The following STX8 variants were observed in gnomAD, a reference collection of about 807,000 sequenced individuals.
STX8 encodes the protein syntaxin 8.
STX8 carries 23 observed loss-of-function variants against 37.5 expected under a neutral mutation model. The ratio of observed to expected loss-of-function variants is 0.61; its 90% CI spans 0.44 to 0.87. STX8 has a LOEUF of 0.87. STX8 is among the 40% of genes least tolerant of loss of function. The pLI is 0.00. For synonymous variants in STX8, 115 were observed against 99.1 expected, an observed-to-expected ratio of 1.16 and a Z score of -0.95; for missense variants, 313 against 284.7, an observed-to-expected ratio of 1.10 and a Z score of -0.71.
chr17:9,400,568 C>T (rs2142317949), intron 6 of STX8, among the ~76,000 whole-genome samples: 1 of 152,150 alleles, frequency 6.6e-6, no homozygotes, highest in African/African-American at 2.4e-5. Context: ...CCACGCCTGG[C>T]TAATTTTTGT....
At chr17:9,287,858 G>A (rs554852934) in intron 7 of STX8, among the ~76,000 whole-genome samples, 1 of 151,698 alleles carries the variant, frequency 6.6e-6, no homozygotes, top group South Asian at 2.1e-4. Context: ...TCAAGTGACT[G>A]TCCTGCCTCA....
chr17:9,393,876 G>A (rs898629511), intron 6 of STX8, among the ~76,000 whole-genome samples: 1 of 152,180 alleles, frequency 6.6e-6, no homozygotes, highest in African/African-American at 2.4e-5. Flanking sequence ...GAAGTTTCTG[G>A]AGCAATGGAA....
rs144982632 is a variant in STX8, at chr17:9,338,526, T to G, written c.643+40026A>C. ...TTCCAGTCATGGTGGCTGGAACTGA[T>G]CTGTTTCTCAACCCTCAACTCCTGC... On this transcript the variant is annotated intron_variant, in intron 7 of 7. Coordinates refer to ENST00000306357, the MANE Select transcript of STX8 (RefSeq NM_004853.3). Among the ~76,000 whole-genome samples the G allele has an allele frequency of 1.8e-3, 278 of 152,248 alleles. 2 individuals are homozygous for G. The highest frequency in any genetic ancestry group is 6.6e-3 in the African/African-American group (273 of 41,558).
intron 7 of STX8, among the ~76,000 whole-genome samples, chr17:9,319,815 G>T (rs2142202761): frequency 6.6e-6 from 1 of 151,466 alleles, no homozygotes; most frequent in East Asian, 2.0e-4. Context: ...GCCAGGCCTG[G>T]TGTCACACAC....
intron 6 of STX8, among the ~76,000 whole-genome samples, chr17:9,463,495 T>C (rs1369534063): frequency 6.6e-6 from 1 of 152,176 alleles, no homozygotes; most frequent in Non-Finnish European, 1.5e-5. Flanking sequence ...ATTTACAGGC[T>C]GGGTGCGGTG....
At chr17:9,432,455 G>T (rs1279320117) in intron 6 of STX8, among the ~76,000 whole-genome samples, 1 of 151,648 alleles carries the variant, frequency 6.6e-6, no homozygotes, top group East Asian at 1.9e-4. Context: ...AACATCTCCC[G>T]ATTTCCACTC....
intron 7 of STX8, among the ~76,000 whole-genome samples, chr17:9,318,800 G>C (rs940381723): frequency 2.0e-5 from 3 of 152,136 alleles, no homozygotes; most frequent in Non-Finnish European, 2.9e-5. Context: ...GTTTTAGAAG[G>C]TTTAGAATAT....
At chr17:9,352,146 T>C (rs1318815233) in intron 7 of STX8, among the ~76,000 whole-genome samples, 1 of 146,870 alleles carries the variant, frequency 6.8e-6, no homozygotes, top group Non-Finnish European at 1.5e-5. Flanking sequence ...AGCAAGATCC[T>C]GCCTAAAAAA....
chr17:9,375,271 C>G (rs1260853135), intron 7 of STX8, among the ~76,000 whole-genome samples: 2 of 151,934 alleles, frequency 1.3e-5, no homozygotes, highest in South Asian at 2.1e-4. Context: ...TATTTTAGTA[C>G]TTCTGGGATT....
Position 9,541,838 on chromosome 17 carries a change from C to T in STX8, c.323+3334G>A, listed in dbSNP as rs139710688. Among the ~76,000 whole-genome samples, 431 of 152,230 alleles carry T rather than the reference C, an allele frequency of 2.8e-3. 3 individuals carry two copies. Among genetic ancestry groups the T allele is most frequent in the African/African-American group, 9.7e-3 (404 of 41,542 alleles). The stretch of plus-strand genomic sequence containing the variant: ...TGCCTACCATATAAAAAACAAATAG[C>T]AGACATAAGCTATAGGTCTCATGAC... On this transcript the variant is annotated intron_variant, in intron 4 of 7. Coordinates refer to ENST00000306357, the MANE Select transcript of STX8 (RefSeq NM_004853.3).
intron 4 of STX8, among the ~76,000 whole-genome samples, chr17:9,511,499 A>T (rs1438695084): frequency 1.1e-4 from 16 of 152,258 alleles, no homozygotes; most frequent in Middle Eastern, 6.8e-3. Context: ...AAAGGACAAA[A>T]CCCACATGAT....
chr17:9,361,971 G>A (rs1158132769), intron 7 of STX8, among the ~76,000 whole-genome samples: 1 of 152,194 alleles, frequency 6.6e-6, no homozygotes, highest in African/African-American at 2.4e-5. Flanking sequence ...CATCAAATCT[G>A]TACCCAAAAC....
chr17:9,283,513 C>T (rs1907965140), intron 7 of STX8, among the ~76,000 whole-genome samples: 1 of 152,192 alleles, frequency 6.6e-6, no homozygotes, highest in Non-Finnish European at 1.5e-5. Flanking sequence ...GCACTCCAGC[C>T]TGGGTGACAG....
intron 4 of STX8, among the ~76,000 whole-genome samples, chr17:9,511,437 G>T (rs1905015611): frequency 6.6e-6 from 1 of 151,978 alleles, no homozygotes. Flanking sequence ...AATGAATGCA[G>T]GAATGGTTCA....
chr17:9,372,678 A>C (rs1227701561), intron 7 of STX8, among the ~76,000 whole-genome samples: 1 of 149,912 alleles, frequency 6.7e-6, no homozygotes, highest in African/African-American at 2.5e-5. Context: ...GGGTTTCAAC[A>C]TGTTGGCCAG....
At chr17:9,290,737 T>C (rs967074080) in intron 7 of STX8, among the ~76,000 whole-genome samples, 6 of 152,178 alleles carry the variant, frequency 3.9e-5, no homozygotes, top group Non-Finnish European at 4.4e-5. Flanking sequence ...TTATTTCCAA[T>C]ATATCCGATA....
At chr17:9,500,729 G>A (rs188345692) in intron 5 of STX8, among the ~76,000 whole-genome samples, 3 of 152,326 alleles carry the variant, frequency 2.0e-5, no homozygotes, top group East Asian at 3.9e-4. Flanking sequence ...AAGGCCGGGC[G>A]TGCTGGCTCA....
intron 6 of STX8, among the ~76,000 whole-genome samples, chr17:9,491,005 T>G (rs1906829998): frequency 6.6e-6 from 1 of 152,180 alleles, no homozygotes; most frequent in Admixed American, 6.5e-5. Flanking sequence ...CCAGCTTCAC[T>G]GCCACTCAAC....
chr17:9,481,165 G>A (rs1231156705), intron 6 of STX8, among the ~76,000 whole-genome samples: 2 of 152,126 alleles, frequency 1.3e-5, no homozygotes, highest in Non-Finnish European at 2.9e-5. Flanking sequence ...TTATAGGCGT[G>A]AACCACCGTG....
Sources: allele counts gnomAD v4.1 joint callset (sites outside exome capture counted in the v4.1 genomes callset), GRCh38; gene constraint gnomAD v4.1.1; transcripts MANE v1.5; gene names NCBI Gene and HGNC (gene_info 2026-07-23, HGNC 2026-07-21).